AKT3: variants seen among roughly 807,000 people sequenced by gnomAD.
AKT3 encodes the protein RAC-gamma serine/threonine-protein kinase.
AKT3 carries 15 observed loss-of-function variants against 65.3 expected under a neutral mutation model. That is an observed-to-expected ratio of 0.23 (90% CI 0.15 to 0.35). The LOEUF is 0.35. AKT3 is among the 10% of genes least tolerant of loss of function. The pLI is 1.00. For synonymous variants in AKT3, 206 were observed against 183.8 expected, an observed-to-expected ratio of 1.12 and a Z score of -0.98; for missense variants, 243 against 576.5, an observed-to-expected ratio of 0.42 and a Z score of 5.92.
chr1:243,849,892 G>A (rs1695688928), intron 1 of AKT3, 148 bp downstream of exon 1: 4 of 512,196 alleles, frequency 7.8e-6, no homozygotes, highest in South Asian at 8.3e-5. Flanking sequence ...CGCCCCCGGC[G>A]CGGTGACAAC....
At chr1:243,786,382 A>C (rs1217392435) in intron 2 of AKT3, among the ~76,000 whole-genome samples, 1 of 152,252 alleles carries the variant, frequency 6.6e-6, no homozygotes, top group Non-Finnish European at 1.5e-5. Flanking sequence ...TTGTAAAAAA[A>C]GAATAGCAGT....
rs139770173 is a variant in AKT3, at chr1:243,504,636, T to TTATA, written c.*609_*612dup. ...CCACCAGGAATTTAAAAAAAAAAAA[T>TTATA]TATATATATATATATATATCCCAAC... On this transcript the variant is annotated 3_prime_UTR_variant, in exon 14 of 14. Coordinates refer to ENST00000673466, the MANE Select transcript of AKT3 (RefSeq NM_005465.7). The TTATA allele has an allele frequency of 1.3e-4, 21 of 164,668 alleles. No individual in the cohort carries two copies. The highest frequency in any genetic ancestry group is 8.3e-4 in the South Asian group (4 of 4,794). The allele number at this position is 164,668 out of a possible 1,614,324, so 10.2% of individuals were successfully genotyped here. A position where few individuals can be genotyped will look rare whatever the true frequency, so the allele number is the denominator to read the frequency against.
chr1:243,494,452 A>T (rs1434355917), intron 13 of AKT3, among the ~76,000 whole-genome samples: 2 of 152,336 alleles, frequency 1.3e-5, no homozygotes, highest in Non-Finnish European at 2.9e-5. Context: ...GAGTGTTTTT[A>T]AAAAATGACA....
chr1:243,625,075 T>C, intron 6 of AKT3: 1 of 288,128 alleles, frequency 3.5e-6, no homozygotes, highest in Non-Finnish European at 7.0e-6. Context: ...TTTCCCCACT[T>C]TAGAGACAGA....
intron 8 of AKT3, among the ~76,000 whole-genome samples, chr1:243,599,060 C>G (rs953054400): frequency 6.6e-6 from 1 of 152,052 alleles, no homozygotes; most frequent in African/African-American, 2.4e-5. Flanking sequence ...CAAAAGTTAT[C>G]AGATTGTACA....
chr1:243,674,291 CAT>C (rs1331562329), intron 3 of AKT3, among the ~76,000 whole-genome samples: 1 of 152,152 alleles, frequency 6.6e-6, no homozygotes, highest in Non-Finnish European at 1.5e-5. Flanking sequence ...CTGGTAACCA[CAT>C]GAGAGAAACT....
intron 3 of AKT3, among the ~76,000 whole-genome samples, chr1:243,669,650 C>T (rs1237301774): frequency 2.0e-5 from 3 of 152,068 alleles, no homozygotes; most frequent in Non-Finnish European, 2.9e-5. Flanking sequence ...AGTTTAAATG[C>T]TATAATTTAA....
chr1:243,775,863 GATCT>G lies in AKT3; in HGVS notation c.46+67258_46+67261del, dbSNP rs1412540201. On this transcript the variant is annotated intron_variant, in intron 2 of 13. Transcript: ENST00000673466. ...CTTTCCCAGGCTCACTGAAAAACCC[GATCT>G]ATCAATTAAATCAGAGAAAAGAAAA... Among the ~76,000 whole-genome samples the G allele has an allele frequency of 1.1e-4, 16 of 152,040 alleles. No individual in the cohort carries two copies. In the East Asian group the frequency reaches 1.5e-3, roughly 15 times the overall value.
At chr1:243,498,430 G>A (rs756956436), downstream of AKT3, among the ~76,000 whole-genome samples, 1 of 152,166 alleles carries the variant, frequency 6.6e-6, no homozygotes, top group African/African-American at 2.4e-5. Flanking sequence ...GGAGGGCTGT[G>A]TGCATGGGAT....
intron 12 of AKT3, among the ~76,000 whole-genome samples, chr1:243,541,349 C>T (rs1672304389): frequency 6.6e-6 from 1 of 152,138 alleles, no homozygotes; most frequent in African/African-American, 2.4e-5. Flanking sequence ...TAAACTAACA[C>T]TATATTTACT....
At chr1:243,531,198 C>T (rs1043557761) in intron 12 of AKT3, among the ~76,000 whole-genome samples, 1 of 152,122 alleles carries the variant, frequency 6.6e-6, no homozygotes, top group Admixed American at 6.5e-5. Flanking sequence ...TCAAATGATC[C>T]TCCCACCTCA....
intron 2 of AKT3, among the ~76,000 whole-genome samples, chr1:243,802,299 C>A (rs181823939): frequency 1.3e-5 from 2 of 152,122 alleles, no homozygotes; most frequent in South Asian, 4.1e-4. Context: ...GACCCCTCTA[C>A]GCTACATGAC....
chr1:243,802,814 A>G (rs185333385), intron 2 of AKT3, among the ~76,000 whole-genome samples: 1 of 152,310 alleles, frequency 6.6e-6, no homozygotes, highest in East Asian at 1.9e-4. Context: ...ATTCACATCC[A>G]GTGCTTTTCA....
In AKT3 at chr1:243,686,652, T is replaced by TATATATATATATATA. The variant is rs373666457; in HGVS notation, c.172+8938_172+8939insTATATATATATATAT. 2.9e-3 allele frequency among the ~76,000 whole-genome samples: 37 copies of TATATATATATATATA among 12,624 alleles called. 1 individual carries two copies. The highest frequency in any genetic ancestry group is 5.2e-3 in the South Asian group (2 of 382). The allele number at this position is 12,624 out of a possible 152,430, so 8.3% of individuals were successfully genotyped here. A position where few individuals can be genotyped will look rare whatever the true frequency, so the allele number is the denominator to read the frequency against. ...TTTCATATATATATATATATATATATTTTTTTTTTTTTTTTTTTTTTTTTT... is the reference window on the plus strand; with the variant it reads ...TTTCATATATATATATATATATATATATATATATATATATATTTTTTTTTTTTTTTTTTTTTTTTT... On this transcript the variant is annotated intron_variant, in intron 3 of 13. Coordinates refer to ENST00000673466, the MANE Select transcript of AKT3 (RefSeq NM_005465.7).
At position 243,769,244 on chromosome 1, in the gene AKT3, A is replaced by C. The variant is rs116261227; in HGVS notation, c.47-73528T>G. Among the ~76,000 whole-genome samples the C allele has an allele frequency of 8.7e-3, 1,327 of 152,188 alleles. 22 individuals carry two copies. Among genetic ancestry groups the C allele is most frequent in the African/African-American group, 0.03 (1,264 of 41,522 alleles). ...GTTGATTGGACATTTGTGGTTTGGG[A>C]GGCAATTACGAATACTACTACTACA... On this transcript the variant is annotated intron_variant, in intron 2 of 13. Transcript: ENST00000673466.
intron 2 of AKT3, among the ~76,000 whole-genome samples, chr1:243,759,733 G>T (rs1343418494): frequency 1.3e-5 from 2 of 152,016 alleles, no homozygotes; most frequent in Non-Finnish European, 2.9e-5. Flanking sequence ...ACAAACCTAG[G>T]AAAGAAGAAG....
chr1:243,758,235 A>G (rs1217554592), intron 2 of AKT3, among the ~76,000 whole-genome samples: 1 of 152,224 alleles, frequency 6.6e-6, no homozygotes, highest in Admixed American at 6.5e-5. Flanking sequence ...AAAAGGTTAT[A>G]TAGTACGAAA....
intron 1 of AKT3, among the ~76,000 whole-genome samples, chr1:243,848,036 G>C (rs1695591646): frequency 6.6e-6 from 1 of 152,152 alleles, no homozygotes; most frequent in South Asian, 2.1e-4. Flanking sequence ...TTAAAACGCT[G>C]TAAGAAAACA....
At chr1:243,670,953 T>C (rs1193511246) in intron 3 of AKT3, among the ~76,000 whole-genome samples, 1 of 152,148 alleles carries the variant, frequency 6.6e-6, no homozygotes, top group African/African-American at 2.4e-5. Context: ...TTTTTAGAGA[T>C]CATCTGTTTA....
Sources: allele counts gnomAD v4.1 joint callset (sites outside exome capture counted in the v4.1 genomes callset), GRCh38; gene constraint gnomAD v4.1.1; transcripts MANE v1.5; gene names NCBI Gene and HGNC (gene_info 2026-07-23, HGNC 2026-07-21).